ERG: variants seen among roughly 807,000 people sequenced by gnomAD.
The protein encoded by ERG is transcriptional regulator ERG.
ERG carries 9 observed loss-of-function variants against 55.3 expected under a neutral mutation model. The observed-to-expected ratio is 0.16, with a 90% CI of 0.10 to 0.28. The LOEUF is 0.28. ERG is among the 10% of genes least tolerant of loss of function. ERG has a pLI of 1.00. For missense variants in ERG, 434 were observed against 631.6 expected (o/e 0.69, Z 3.35); for synonymous variants, 223 against 237.3 (o/e 0.94, Z 0.55).
At chr21:38,619,170 G>A (rs1337987053) in intron 1 of ERG, among the ~76,000 whole-genome samples, 1 of 152,156 alleles carries the variant, frequency 6.6e-6, no homozygotes, top group African/African-American at 2.4e-5. Context: ...CCATGCTCCA[G>A]CCAGTCCAGA....
chr21:38,563,808 T>C (rs1023172779), intron 2 of ERG, among the ~76,000 whole-genome samples: 5 of 152,200 alleles, frequency 3.3e-5, no homozygotes, highest in African/African-American at 7.2e-5. Flanking sequence ...AATCCTTACA[T>C]AGTAAATGCC....
chr21:38,388,444 A>G (rs998285568), intron 9 of ERG, among the ~76,000 whole-genome samples: 3 of 152,224 alleles, frequency 2.0e-5, no homozygotes, highest in African/African-American at 7.2e-5. Context: ...ATGAAAAGGA[A>G]TTTGTATTGT....
At chr21:38,563,194 T>C (rs948450208) in intron 2 of ERG, among the ~76,000 whole-genome samples, 1 of 152,228 alleles carries the variant, frequency 6.6e-6, no homozygotes, top group Non-Finnish European at 1.5e-5. Flanking sequence ...ATTATAATGG[T>C]GGATCCGTGT....
rs535597123 is a variant in ERG at position 38,596,068 on chromosome 21, G to A, written c.-149-11123C>T. Among the ~76,000 whole-genome samples, 239 of 125,932 alleles carry A rather than the reference G, an allele frequency of 1.9e-3. 1 individual carries two copies. Among genetic ancestry groups the A allele is most frequent in the African/African-American group, 5.4e-3 (185 of 34,036 alleles). The allele number at this position is 125,932 out of a possible 152,430, so 82.6% of individuals were successfully genotyped here. A position where few individuals can be genotyped will look rare whatever the true frequency, so the allele number is the denominator to read the frequency against. On this transcript the variant is annotated intron_variant, in intron 1 of 10. Coordinates refer to the ERG transcript ENST00000398910. ...ATTGGTGTGGGATTGGGGGGGGGGG[G>A]TCTCTTTTTATAATAGCTAGAACAT...
At chr21:38,444,330 T>G (rs2058869176) in intron 2 of ERG, among the ~76,000 whole-genome samples, 1 of 152,140 alleles carries the variant, frequency 6.6e-6, no homozygotes, top group Non-Finnish European at 1.5e-5. Context: ...ACAGGTTTCT[T>G]CATCCATCAA....
At chr21:38,423,708 C>T (rs889559920) in intron 2 of ERG, 147 bp from the exon 3 acceptor site, 28 of 838,234 alleles carry the variant, frequency 3.3e-5, no homozygotes, top group African/African-American at 1.4e-4. Flanking sequence ...CAAATACAGG[C>T]GGGGTGCCGT....
At chr21:38,430,463 T>G (rs1449137681) in intron 2 of ERG, among the ~76,000 whole-genome samples, 1 of 152,234 alleles carries the variant, frequency 6.6e-6, no homozygotes, top group Non-Finnish European at 1.5e-5. Flanking sequence ...TTTTGGATTC[T>G]TGGTCATGAA....
chr21:38,598,010 T>A (rs1445784903), intron 1 of ERG, among the ~76,000 whole-genome samples: 1 of 152,188 alleles, frequency 6.6e-6, no homozygotes, highest in Admixed American at 6.5e-5. Flanking sequence ...GCTCAGGTTG[T>A]GTGGAGGTCA....
chr21:38,502,106 G>A (rs572019961), upstream of ERG, among the ~76,000 whole-genome samples: 7 of 152,320 alleles, frequency 4.6e-5, no homozygotes, highest in South Asian at 1.0e-3. Flanking sequence ...GAGGAGATCC[G>A]TCTGAACCTC....
At chr21:38,591,183 G>A (rs960564882) in intron 1 of ERG, among the ~76,000 whole-genome samples, 34 of 152,176 alleles carry the variant, frequency 2.2e-4, no homozygotes, top group African/African-American at 6.0e-4. Context: ...GTTCAGTGTC[G>A]CAACTGCAGA....
chr21:38,514,837 C>T (rs915889140), intron 2 of ERG, among the ~76,000 whole-genome samples: 18 of 151,780 alleles, frequency 1.2e-4, no homozygotes, highest in African/African-American at 3.4e-4. Flanking sequence ...TTTTTTTACA[C>T]AGAATTTCCA....
intron 1 of ERG, among the ~76,000 whole-genome samples, chr21:38,621,933 G>A (rs2060292902): frequency 6.6e-6 from 1 of 152,144 alleles, no homozygotes; most frequent in African/African-American, 2.4e-5. Flanking sequence ...AGTACACAAG[G>A]TGCGAAGTTA....
At chr21:38,501,931 T>C (rs536504929), upstream of ERG, among the ~76,000 whole-genome samples, 20 of 152,336 alleles carry the variant, frequency 1.3e-4, 1 homozygote, top group South Asian at 3.9e-3. Flanking sequence ...TAGTATTTAT[T>C]TATCCTAAAA....
At chr21:38,539,730 T>C (rs537006101) in intron 2 of ERG, among the ~76,000 whole-genome samples, 102 of 152,132 alleles carry the variant, frequency 6.7e-4, no homozygotes, top group African/African-American at 2.3e-3. Context: ...TGCTCCTATA[T>C]GTGCATAGAC....
intron 2 of ERG, among the ~76,000 whole-genome samples, chr21:38,428,097 CTGAGCCTGGGGAGGT>C (rs1989920248): frequency 1.3e-5 from 2 of 151,512 alleles, no homozygotes; most frequent in South Asian, 4.2e-4. Context: ...GGAGGATCAC[CTGAGCCTGGGGAGGT>C]TGAGACTGCA....
chr21:38,416,816 G>A (rs1989300102), intron 3 of ERG, among the ~76,000 whole-genome samples: 3 of 152,248 alleles, frequency 2.0e-5, no homozygotes, highest in African/African-American at 7.2e-5. Flanking sequence ...ATGTCTGGAA[G>A]AATGAGCAAG....
intron 1 of ERG, among the ~76,000 whole-genome samples, chr21:38,647,296 G>A (rs542884996): frequency 3.4e-4 from 52 of 152,204 alleles, no homozygotes; most frequent in African/African-American, 1.2e-3. Flanking sequence ...GGTCACGTAC[G>A]GGCATCCACC....
At position 38,405,051 on chromosome 21, in the gene ERG, A is replaced by G. The variant is rs536589895; in HGVS notation, c.389-1342T>C. 3.3e-5 allele frequency among the ~76,000 whole-genome samples: 5 copies of G among 152,202 alleles called. No individual in the cohort carries two copies. The South Asian group carries it at 1.0e-3, about 32-fold the overall frequency. ...CCCTTCAGCTACATAGAAGAAAGAA[A>G]TTATTGCAGGTCCAGTAGAATCTAC... On this transcript the variant is annotated intron_variant, in intron 3 of 9. Coordinates refer to ENST00000288319, the MANE Select transcript of ERG (RefSeq NM_182918.4).
rs912852401 is a variant in ERG, at chr21:38,403,803, G to T, written c.389-94C>A. 8.2e-6 allele frequency: 10 copies of T among 1,223,030 alleles called. No homozygotes were observed. In the East Asian group the frequency reaches 1.2e-4, roughly 15 times the overall value. 75.8% of individuals were successfully genotyped at this position (1,223,030 alleles called of 1,614,324 possible). A position where few individuals can be genotyped will look rare whatever the true frequency, so the allele number is the denominator to read the frequency against. On this transcript the variant is annotated intron_variant, in intron 3 of 9. Transcript: ENST00000288319. ...ATCCACGTGGGATTTCTGACCAGCT[G>T]CCTTCCACAAGCACAGCCTCCAGCC...
Sources: gnomAD v4.1 joint callset for allele counts (sites outside exome capture counted in the v4.1 genomes callset) on GRCh38, gnomAD v4.1.1 for gene constraint, MANE v1.5 for transcripts, NCBI Gene and HGNC (gene_info 2026-07-23, HGNC 2026-07-21) for gene names.